Variants in MDGA2 observed in about 807,000 individuals in gnomAD.
The protein encoded by MDGA2 is MAM domain containing glycosylphosphatidylinositol anchor 2, also known as MAM domain-containing glycosylphosphatidylinositol anchor protein 2.
MDGA2 carries 40 observed loss-of-function variants against 117.8 expected under a neutral mutation model. The ratio of observed to expected loss-of-function variants is 0.34; its 90% CI spans 0.26 to 0.44. The LOEUF is 0.44. Among genes scored for constraint, MDGA2 ranks in the 20% least tolerant of loss-of-function variants. The pLI, the probability that MDGA2 is intolerant of heterozygous loss-of-function variation, is 1.00. For synonymous variants in MDGA2, 452 were observed against 439.0 expected, an observed-to-expected ratio of 1.03 and a Z score of -0.37; for missense variants, 1,123 against 1,250.6, an observed-to-expected ratio of 0.90 and a Z score of 1.54.
intron 1 of MDGA2, among the ~76,000 whole-genome samples, chr14:47,467,270 G>A (rs1054931876): frequency 1.3e-5 from 2 of 152,050 alleles, no homozygotes; most frequent in African/African-American, 4.8e-5. Context: ...GCATTATTAT[G>A]TACCAATGGC....
chr14:46,913,534 C>G (rs1439468433), intron 10 of MDGA2, among the ~76,000 whole-genome samples: 1 of 152,140 alleles, frequency 6.6e-6, no homozygotes, highest in Non-Finnish European at 1.5e-5. Context: ...AGCAATAGCT[C>G]AACCATTATA....
rs922917941 is a variant in MDGA2, at chr14:47,675,282, C to A, written c.-486G>T. Among the ~76,000 whole-genome samples the A allele has an allele frequency of 6.1e-5, 9 of 147,250 alleles. No homozygotes were observed. On this transcript the variant is annotated 5_prime_UTR_variant, in exon 1 of 17. Transcript: ENST00000399232. Reference sequence around the variant, plus strand: ...CCATTGCAACGCCAATCCTGTTACACGATACAGACTCGCATCGCCGAACGG... The same window carrying A: ...CCATTGCAACGCCAATCCTGTTACAAGATACAGACTCGCATCGCCGAACGG...
At chr14:47,430,030 G>C (rs1410767548) in intron 1 of MDGA2, among the ~76,000 whole-genome samples, 2 of 150,384 alleles carry the variant, frequency 1.3e-5, no homozygotes, top group Non-Finnish European at 3.0e-5. Context: ...AGTGTCTCTA[G>C]AAGGTAATGA....
At chr14:47,000,067 T>TA (rs1039304768) in intron 8 of MDGA2, among the ~76,000 whole-genome samples, 3 of 151,280 alleles carry the variant, frequency 2.0e-5, no homozygotes, top group African/African-American at 7.3e-5. Context: ...TTATCTTGCC[T>TA]AAAAAAAACT....
intron 1 of MDGA2, among the ~76,000 whole-genome samples, chr14:47,582,160 T>C (rs1027728021): frequency 6.6e-6 from 1 of 151,882 alleles, no homozygotes; most frequent in African/African-American, 2.4e-5. Context: ...ATTACTTATG[T>C]CTTAATTCCT....
intron 1 of MDGA2, among the ~76,000 whole-genome samples, chr14:47,543,656 C>A (rs1286976366): frequency 6.6e-6 from 1 of 152,174 alleles, no homozygotes; most frequent in African/African-American, 2.4e-5. Flanking sequence ...TCAAAAATAT[C>A]TTGTGTTCAC....
chr14:46,913,323 T>C lies in MDGA2; in HGVS notation c.2238+6689A>G, dbSNP rs79998297. ...TTAATCTATGCAAGATGTCATTTTA[T>C]TCATGATTTAAGATTATACAAAGAA... On this transcript the variant is annotated intron_variant, in intron 10 of 16. Coordinates refer to ENST00000399232, the MANE Select transcript of MDGA2 (RefSeq NM_001113498.3). Among the ~76,000 whole-genome samples, 32 of 152,254 alleles carry C rather than the reference T, an allele frequency of 2.1e-4. No individual in the cohort carries two copies. In the East Asian group the frequency reaches 5.8e-3, roughly 28 times the overall value.
In MDGA2 at chr14:46,845,830, G is replaced by A; in HGVS notation, c.2925C>T (p.Asp975=). The change falls in exon 16 of 17, where the codon GAC becomes GAT. Residue 975 remains aspartate (D), a synonymous_variant. Transcript: ENST00000399232. The part of the protein sequence containing the change: ...EGIRGPGIEG[D]IAIDDVSIAE... ...CAATTGATACATCATCAATAGCAAT[G>A]TCACCTTCTATTCCAGGACCTCGGA... The A allele has an allele frequency of 6.2e-7, 1 of 1,613,432 alleles. No homozygotes were observed. The highest frequency in any genetic ancestry group is 8.5e-7 in the Non-Finnish European group (1 of 1,179,624).
intron 1 of MDGA2, among the ~76,000 whole-genome samples, chr14:47,357,844 G>A (rs111867156): frequency 5.9e-5 from 9 of 152,196 alleles, no homozygotes; most frequent in East Asian, 3.9e-4. Context: ...ACTCAGTAGC[G>A]CAAGAGTTTC....
At chr14:46,968,846 A>G (rs1285580826) in intron 8 of MDGA2, among the ~76,000 whole-genome samples, 1 of 152,092 alleles carries the variant, frequency 6.6e-6, no homozygotes, top group South Asian at 2.1e-4. Flanking sequence ...AAAAAAAAAA[A>G]AAAAACAAAT....
chr14:47,017,780 A>G (rs945770670), intron 8 of MDGA2, among the ~76,000 whole-genome samples: 5 of 152,112 alleles, frequency 3.3e-5, no homozygotes, highest in Non-Finnish European at 7.4e-5. Flanking sequence ...AATCTATGCT[A>G]CCATCTTGTG....
chr14:47,566,604 T>C (rs10162514), intron 1 of MDGA2, among the ~76,000 whole-genome samples: 16,273 of 152,094 alleles, frequency 0.11, 1,014 homozygotes, highest in Middle Eastern at 0.15. Context: ...CAAGTTTCCA[T>C]GGGGGTTGGG....
intron 1 of MDGA2, among the ~76,000 whole-genome samples, chr14:47,639,139 A>G (rs1897375833): frequency 6.6e-6 from 1 of 152,098 alleles, no homozygotes; most frequent in African/African-American, 2.4e-5. Context: ...CTTATTTTAT[A>G]TTTCTTTATA....
chr14:47,554,874 G>A (rs1361126882), intron 1 of MDGA2, among the ~76,000 whole-genome samples: 1 of 152,098 alleles, frequency 6.6e-6, no homozygotes, highest in Non-Finnish European at 1.5e-5. Flanking sequence ...AGCTGTTATG[G>A]ACCTATCTGA....
intron 9 of MDGA2, among the ~76,000 whole-genome samples, chr14:46,927,915 A>C (rs1884392480): frequency 6.6e-6 from 1 of 152,166 alleles, no homozygotes; most frequent in African/African-American, 2.4e-5. Context: ...AGAGCTTCCT[A>C]AGAATTTATA....
chr14:47,362,502 T>G (rs952690202), intron 1 of MDGA2, among the ~76,000 whole-genome samples: 1 of 152,172 alleles, frequency 6.6e-6, no homozygotes, highest in African/African-American at 2.4e-5. Flanking sequence ...GTGCTTAATA[T>G]TATCCAGCTA....
At chr14:47,286,784 G>A (rs1296068662) in intron 2 of MDGA2, among the ~76,000 whole-genome samples, 2 of 118,056 alleles carry the variant, frequency 1.7e-5, no homozygotes, top group African/African-American at 7.4e-5. Context: ...CACAAACCAG[G>A]ACTATCTCAG....
At chr14:47,234,208 T>A (rs1395635161) in intron 2 of MDGA2, among the ~76,000 whole-genome samples, 1 of 150,670 alleles carries the variant, frequency 6.6e-6, no homozygotes, top group Non-Finnish European at 1.5e-5. Flanking sequence ...AATACTTATA[T>A]CATTAAATTA....
intron 1 of MDGA2, among the ~76,000 whole-genome samples, chr14:47,608,814 G>C (rs774281820): frequency 6.6e-6 from 1 of 152,108 alleles, no homozygotes; most frequent in Non-Finnish European, 1.5e-5. Flanking sequence ...CTGTGATTCA[G>C]TTGACAGGTG....
Sources: allele counts gnomAD v4.1 joint callset (sites outside exome capture counted in the v4.1 genomes callset), GRCh38; gene constraint gnomAD v4.1.1; transcripts MANE v1.5; gene names NCBI Gene and HGNC (gene_info 2026-07-23, HGNC 2026-07-21).